Variants in PGAP1 observed in about 807,000 individuals in gnomAD.
PGAP1 encodes GPI inositol-deacylase.
A neutral mutation model predicts 127.0 loss-of-function variants in PGAP1; 76 were observed. The ratio of observed to expected loss-of-function variants is 0.60; its 90% CI spans 0.50 to 0.72. The LOEUF is 0.72. Among genes scored for constraint, PGAP1 ranks in the 30% least tolerant of loss-of-function variants. The probability of loss-of-function intolerance (pLI) is 0.00; values close to 1 mark genes in which losing one functional copy is unlikely to be tolerated. For missense variants in PGAP1, 982 were observed against 1,071.3 expected (o/e 0.92, Z 1.16); for synonymous variants, 362 against 366.5 (o/e 0.99, Z 0.14).
At chr2:196,904,260 T>C (rs1702605824) in intron 4 of PGAP1, among the ~76,000 whole-genome samples, 1 of 152,174 alleles carries the variant, frequency 6.6e-6, no homozygotes, top group Non-Finnish European at 1.5e-5. Context: ...TCTCTTCCCA[T>C]CCTAATTCGA....
chr2:196,879,559 G>A (rs1701667671), intron 13 of PGAP1, among the ~76,000 whole-genome samples: 2 of 152,156 alleles, frequency 1.3e-5, no homozygotes, highest in African/African-American at 2.4e-5. Context: ...GCTCGGTGTG[G>A]TAGCATGCGC....
In PGAP1 at chr2:196,833,195, A is replaced by G. The variant is rs1212887371; in HGVS notation, c.*8039T>C. The G allele has an allele frequency of 2.0e-5, 3 of 152,598 alleles. No individual in the cohort carries two copies. The highest frequency in any genetic ancestry group is 4.4e-5 in the Non-Finnish European group (3 of 68,040). The allele number at this position is 152,598 out of a possible 1,614,324, so 9.5% of individuals were successfully genotyped here. On this transcript the variant is annotated 3_prime_UTR_variant, in exon 27 of 27. Coordinates refer to ENST00000354764, the MANE Select transcript of PGAP1 (RefSeq NM_024989.4). Reference sequence around the variant, plus strand: ...ACAACACACTCTACAGAATATAGTAAGTAGTACTTTTTGTGAATTACAATC... The same window carrying G: ...ACAACACACTCTACAGAATATAGTAGGTAGTACTTTTTGTGAATTACAATC...
intron 10 of PGAP1, among the ~76,000 whole-genome samples, chr2:196,889,752 T>C (rs955295915): frequency 6.8e-6 from 1 of 147,590 alleles, no homozygotes; most frequent in South Asian, 2.1e-4. Flanking sequence ...CCAGCTACTC[T>C]GGAGGCTGAG....
intron 14 of PGAP1, 88 bp from the exon 15 acceptor site, chr2:196,873,846 C>A: frequency 2.3e-6 from 2 of 874,448 alleles, no homozygotes; most frequent in South Asian, 1.6e-5. Context: ...AAGACAATGC[C>A]AATAATTAAA....
chr2:196,888,035 G>A (rs1245899443), intron 10 of PGAP1, among the ~76,000 whole-genome samples: 1 of 152,072 alleles, frequency 6.6e-6, no homozygotes, highest in Non-Finnish European at 1.5e-5. Context: ...CGGTGTATAG[G>A]GAATTCTGAC....
At chr2:196,870,759 T>C (rs1453967154) in intron 19 of PGAP1, among the ~76,000 whole-genome samples, 182 bp downstream of exon 19, 1 of 151,834 alleles carries the variant, frequency 6.6e-6, no homozygotes, top group African/African-American at 2.4e-5. Context: ...GTAAGAAGAA[T>C]GAAAAAGAAA....
chr2:196,854,217 C>CT (rs1223323045), intron 20 of PGAP1, among the ~76,000 whole-genome samples: 4 of 151,918 alleles, frequency 2.6e-5, no homozygotes, highest in Admixed American at 6.6e-5. Flanking sequence ...TAAACTAAGT[C>CT]TTTTTTACCT....
In PGAP1 at chr2:196,893,132, T is replaced by TCAC. The variant is rs1469043267; in HGVS notation, c.1033+5_1033+7dup. 6.6e-7 allele frequency: 1 copy of TCAC among 1,505,916 alleles called. No individual in the cohort carries two copies. Among genetic ancestry groups the TCAC allele is most frequent in the South Asian group, 1.2e-5 (1 of 86,656 alleles). The allele number at this position is 1,505,916 out of a possible 1,614,324, so 93.3% of individuals were successfully genotyped here. On this transcript the variant is annotated splice_region_variant and intron_variant, in intron 8 of 26. Transcript: ENST00000354764. ...CATTTAAAATTAAAATATGTTATTG[T>TCAC]CACCAACCTGTTAAGTCAGAAATTA... is the stretch of plus-strand genomic sequence containing the variant.
intron 1 of PGAP1, chr2:196,922,204 G>C: frequency 7.7e-7 from 1 of 1,291,082 alleles, no homozygotes; most frequent in Non-Finnish European, 1.0e-6. Flanking sequence ...AACTCAAAAG[G>C]TAAAAATTCT....
At chr2:196,848,061 T>A in intron 20 of PGAP1, 24 bp from the exon 21 acceptor site, 4 of 1,524,948 alleles carry the variant, frequency 2.6e-6, no homozygotes, top group Non-Finnish European at 3.6e-6. Flanking sequence ...AAAAGTTACA[T>A]GCAATTTACA....
chr2:196,883,786 A>G (rs886298043), intron 12 of PGAP1, among the ~76,000 whole-genome samples: 1 of 152,250 alleles, frequency 6.6e-6, no homozygotes, highest in Non-Finnish European at 1.5e-5. Context: ...TTTCAAAGCA[A>G]AATAATTTTG....
At chr2:196,899,799 C>T (rs988176581) in intron 5 of PGAP1, among the ~76,000 whole-genome samples, 7 of 152,028 alleles carry the variant, frequency 4.6e-5, no homozygotes, top group Admixed American at 2.0e-4. Context: ...TGTGGGAGGC[C>T]GAGGCGGGTG....
rs375115788 is a variant in PGAP1, at chr2:196,841,361, T to C, written c.2642A>G (p.Lys881Arg). The C allele has an allele frequency of 2.2e-4, 359 of 1,612,748 alleles. No individual in the cohort carries two copies. Among genetic ancestry groups the C allele is most frequent in the Non-Finnish European group, 2.9e-4 (345 of 1,179,264 alleles). ...TVSIKSSKLL[K>R]TTSQFPLPLA... is the part of the protein sequence containing the mutation. ...AGGAAGTGGAAATTGTGAAGTAGTC[T>C]TCAACAATTTACTGTAAAGAGACAG... is the stretch of plus-strand genomic sequence containing the variant. The change falls in exon 27 of 27, where the codon AAG (lysine) becomes AGG (arginine). Residue 881 changes from lysine to arginine, a missense_variant. Coordinates refer to ENST00000354764, the MANE Select transcript of PGAP1 (RefSeq NM_024989.4).
At chr2:196,845,859 T>G (rs367613304) in intron 23 of PGAP1, 23 bp downstream of exon 23, 1 of 1,577,740 alleles carries the variant, frequency 6.3e-7, no homozygotes, top group Non-Finnish European at 8.6e-7. Flanking sequence ...CTCAATCATT[T>G]TGGCTTTACT....
At chr2:196,882,221 T>C (rs1465285874) in intron 12 of PGAP1, among the ~76,000 whole-genome samples, 1 of 152,222 alleles carries the variant, frequency 6.6e-6, no homozygotes, top group African/African-American at 2.4e-5. Flanking sequence ...TCTGTTTTTG[T>C]ACCAGTACCA....
At position 196,845,224 on chromosome 2, in the gene PGAP1, T is replaced by C. The variant is rs181072159; in HGVS notation, c.2287-650A>G. Among the ~76,000 whole-genome samples, 1,143 of 152,026 alleles carry C rather than the reference T, an allele frequency of 7.5e-3. 9 individuals are homozygous for C. The highest frequency in any genetic ancestry group is 0.027 in the Middle Eastern group (8 of 294). ...ATTTCCTTTGGAAAACTGAAAATAA[T>C]ATATGATATGCATGTATTTACACTT... On this transcript the variant is annotated intron_variant, in intron 23 of 26. Transcript: ENST00000354764.
intron 4 of PGAP1, among the ~76,000 whole-genome samples, chr2:196,912,217 C>T (rs1006499022): frequency 2.6e-5 from 4 of 152,148 alleles, no homozygotes; most frequent in African/African-American, 9.7e-5. Context: ...TACCTTTGTA[C>T]TTAAAAACTA....
chr2:196,843,275 T>C (rs1700464749), intron 25 of PGAP1, among the ~76,000 whole-genome samples: 1 of 152,142 alleles, frequency 6.6e-6, no homozygotes, highest in South Asian at 2.1e-4. Context: ...AACCAAAAAT[T>C]TGTGCTCCTC....
intron 5 of PGAP1, among the ~76,000 whole-genome samples, chr2:196,900,539 T>G (rs1161226924): frequency 6.6e-6 from 1 of 152,180 alleles, no homozygotes; most frequent in African/African-American, 2.4e-5. Context: ...AAATAAATCT[T>G]AGGTTATACA....
Sources: allele counts gnomAD v4.1 joint callset (sites outside exome capture counted in the v4.1 genomes callset), GRCh38; gene constraint gnomAD v4.1.1; transcripts MANE v1.5; gene names NCBI Gene and HGNC (gene_info 2026-07-23, HGNC 2026-07-21).